FASTKD2: variants seen among roughly 807,000 people sequenced by gnomAD.
The protein encoded by FASTKD2 is FAST kinase domain-containing protein 2, mitochondrial.
Under a neutral mutation model 63.6 loss-of-function variants are expected in FASTKD2, and 51 were observed. That is an observed-to-expected ratio of 0.80 (90% CI 0.64 to 1.01). FASTKD2 has a LOEUF of 1.01. FASTKD2 is among the 50% of genes least tolerant of loss of function. The pLI is 0.00. For synonymous variants in FASTKD2, 284 were observed against 293.4 expected, an observed-to-expected ratio of 0.97 and a Z score of 0.33; for missense variants, 786 against 831.1, an observed-to-expected ratio of 0.95 and a Z score of 0.67.
rs1423846334 is a variant in FASTKD2 at position 206,776,931 on chromosome 2, C to T, written c.1427+2534C>T. The stretch of plus-strand genomic sequence containing the variant: ...GATTAAGTCTTTCAATCCATGAATG[C>T]AGACTGTCCTTCCATTTATTTGTGT... On this transcript the variant is annotated intron_variant, in intron 7 of 11. Coordinates refer to ENST00000402774, the MANE Select transcript of FASTKD2 (RefSeq NM_001136193.2). Among the ~76,000 whole-genome samples, 4 of 152,038 alleles carry T rather than the reference C, an allele frequency of 2.6e-5. No homozygotes were observed. The East Asian group carries it at 5.8e-4, about 22-fold the overall frequency.
At chr2:206,772,743 T>A (rs1209168154) in intron 6 of FASTKD2, among the ~76,000 whole-genome samples, 1 of 152,196 alleles carries the variant, frequency 6.6e-6, no homozygotes, top group Non-Finnish European at 1.5e-5. Flanking sequence ...TTACTTGAGA[T>A]ATTCAACACT....
At chr2:206,777,259 T>G (rs1689847302) in intron 7 of FASTKD2, among the ~76,000 whole-genome samples, 1 of 152,172 alleles carries the variant, frequency 6.6e-6, no homozygotes, top group East Asian at 1.9e-4. Context: ...GTTCCTGGTC[T>G]TAGAAGAAAA....
At chr2:206,774,884 C>T (rs1431943888) in intron 7 of FASTKD2, among the ~76,000 whole-genome samples, 1 of 151,924 alleles carries the variant, frequency 6.6e-6, no homozygotes, top group Non-Finnish European at 1.5e-5. Flanking sequence ...AACTTTATAC[C>T]TGTTGAATAG....
chr2:206,795,248 TC>T lies in FASTKD2; in HGVS notation c.*3448del, dbSNP rs1158955913. On this transcript the variant is annotated 3_prime_UTR_variant, in exon 12 of 12. Transcript: ENST00000402774. ...CAGGAGATGGCTATCTCTTTTTTTT[TC>T]CTGAGACGGAGTCGTGGTCTGTCGC... Among the ~76,000 whole-genome samples the T allele has an allele frequency of 1.3e-5, 2 of 152,144 alleles. No individual in the cohort carries two copies. The highest frequency in any genetic ancestry group is 2.9e-5 in the Non-Finnish European group (2 of 68,010).
At position 206,795,425 on chromosome 2, in the gene FASTKD2, G is replaced by T. The variant is rs1300495377; in HGVS notation, c.*3623G>T. 6.6e-6 allele frequency among the ~76,000 whole-genome samples: 1 copy of T among 152,156 alleles called. No homozygotes were observed. The highest frequency in any genetic ancestry group is 1.5e-5 in the Non-Finnish European group (1 of 68,034). Reference sequence around the variant, plus strand: ...ATTTTTGTATTTTTAGCAGAAACAGGGTTTCACCATGTTAGCCAGGATGGT... The same window carrying T: ...ATTTTTGTATTTTTAGCAGAAACAGTGTTTCACCATGTTAGCCAGGATGGT... On this transcript the variant is annotated 3_prime_UTR_variant, in exon 12 of 12. Transcript: ENST00000402774.
chr2:206,778,538 G>A (rs1230636843), intron 7 of FASTKD2, among the ~76,000 whole-genome samples: 1 of 152,076 alleles, frequency 6.6e-6, no homozygotes, highest in Admixed American at 6.6e-5. Context: ...TCCTAAATCT[G>A]TTATGACTTG....
chr2:206,767,307 G>T lies in FASTKD2; in HGVS notation c.614G>T (p.Arg205Leu), dbSNP rs71429736. The T allele has an allele frequency of 6.2e-7, 1 of 1,614,140 alleles. No individual in the cohort carries two copies. The highest frequency in any genetic ancestry group is 8.5e-7 in the Non-Finnish European group (1 of 1,180,014). Residue 205 changes from arginine to leucine, a missense_variant, in exon 2 of 12, where the codon CGA (arginine) becomes CTA (leucine). Arg to Leu is a moderately radical substitution (Grantham distance 102, BLOSUM62 -2). Transcript: ENST00000402774. ...GATGACCAGAAGCGCTTTGAAAAACGACTGATGTTTAGCCACCCTGCATTT... is the reference window on the plus strand; with the variant it reads ...GATGACCAGAAGCGCTTTGAAAAACTACTGATGTTTAGCCACCCTGCATTT... ...LSDDQKRFEK[R>L]LMFSHPAFNQ... is the part of the protein sequence containing the mutation.
rs768043175 is a variant in FASTKD2 at position 206,771,245 on chromosome 2, G to A, written c.945G>A (p.Lys315=). 178 of 1,612,290 alleles carry A rather than the reference G, an allele frequency of 1.1e-4. No homozygotes were observed. The highest frequency in any genetic ancestry group is 1.3e-4 in the Non-Finnish European group (155 of 1,178,554). The change falls in exon 4 of 12, where the codon AAG becomes AAA. Residue 315 remains lysine, a synonymous_variant. Transcript: ENST00000402774. ...EDVFTLQVVM[K]CIGKDAPIAL... ...TCTTCACATTACAAGTTGTGATGAA[G>A]TGTATTGGAAAAGATGCACCGATTG...
At chr2:206,776,139 T>A (rs1689818984) in intron 7 of FASTKD2, among the ~76,000 whole-genome samples, 1 of 151,206 alleles carries the variant, frequency 6.6e-6, no homozygotes, top group East Asian at 1.9e-4. Flanking sequence ...AATATATATA[T>A]AATATATATA....
chr2:206,791,961 C>A lies in FASTKD2; in HGVS notation c.*159C>A, dbSNP rs549535843. ...TTTAGGAGTGGAAGAAATGTTGTTA[C>A]TGCCATTTAAAAATATGCTGAGAAA... On this transcript the variant is annotated 3_prime_UTR_variant, in exon 12 of 12. Transcript: ENST00000402774. 1.9e-3 allele frequency: 1,277 copies of A among 669,682 alleles called. 29 individuals are homozygous for A. The South Asian group carries it at 0.023, about 12-fold the overall frequency. The allele number at this position is 669,682 out of a possible 1,614,324, so 41.5% of individuals were successfully genotyped here.
chr2:206,786,725 T>C lies in FASTKD2; in HGVS notation c.1428-8T>C, dbSNP rs369220707. The C allele has an allele frequency of 6.2e-7, 1 of 1,613,216 alleles. No individual in the cohort carries two copies. The highest frequency in any genetic ancestry group is 8.5e-7 in the Non-Finnish European group (1 of 1,179,290). ...ATGTTGGGAAACTGACTTTTCTTTGTTCCCCAGACAGTTCGTGGAAGTTAT... is the reference window on the plus strand; with the variant it reads ...ATGTTGGGAAACTGACTTTTCTTTGCTCCCCAGACAGTTCGTGGAAGTTAT... On this transcript the variant is annotated splice_region_variant and splice_polypyrimidine_tract_variant and intron_variant, in intron 7 of 11. Transcript: ENST00000402774.
chr2:206,795,324 C>T lies in FASTKD2; in HGVS notation c.*3522C>T, dbSNP rs1483612668. 6.6e-6 allele frequency among the ~76,000 whole-genome samples: 1 copy of T among 152,208 alleles called. No homozygotes were observed. Among genetic ancestry groups the T allele is most frequent in the African/African-American group, 2.4e-5 (1 of 41,444 alleles). Reference sequence around the variant, plus strand: ...TCTCAGCTCACTGCAAGCTCCGCCTCCTGGGTTCAAGCCATTCTCCTGCCT... The same window carrying T: ...TCTCAGCTCACTGCAAGCTCCGCCTTCTGGGTTCAAGCCATTCTCCTGCCT... On this transcript the variant is annotated 3_prime_UTR_variant, in exon 12 of 12. Coordinates refer to ENST00000402774, the MANE Select transcript of FASTKD2 (RefSeq NM_001136193.2).
At chr2:206,781,209 C>T (rs780992563) in intron 7 of FASTKD2, among the ~76,000 whole-genome samples, 11 of 151,910 alleles carry the variant, frequency 7.2e-5, no homozygotes, top group African/African-American at 1.2e-4. Context: ...GAAACAGTCT[C>T]CTCTCCCTGT....
rs1302755404 is a variant in FASTKD2 at position 206,792,845 on chromosome 2, A to G, written c.*1043A>G. ...TCTGTGTCTTCACTTCCTCATCTCT[A>G]AAATCAGGATAGGTATTTGCCCAAG... On this transcript the variant is annotated 3_prime_UTR_variant, in exon 12 of 12. Coordinates refer to ENST00000402774, the MANE Select transcript of FASTKD2 (RefSeq NM_001136193.2). 6.6e-6 allele frequency among the ~76,000 whole-genome samples: 1 copy of G among 152,166 alleles called. No individual in the cohort carries two copies. Among genetic ancestry groups the G allele is most frequent in the African/African-American group, 2.4e-5 (1 of 41,430 alleles).
chr2:206,768,353 A>G (rs192486863), intron 2 of FASTKD2, among the ~76,000 whole-genome samples: 43 of 152,284 alleles, frequency 2.8e-4, no homozygotes, highest in African/African-American at 1.0e-3. Flanking sequence ...TTAGCTTGTT[A>G]ATCATTTATG....
At position 206,795,528 on chromosome 2, in the gene FASTKD2, C is replaced by T. The variant is rs1001700480; in HGVS notation, c.*3726C>T. On this transcript the variant is annotated 3_prime_UTR_variant, in exon 12 of 12. Coordinates refer to ENST00000402774, the MANE Select transcript of FASTKD2 (RefSeq NM_001136193.2). ...GATTATAGGCGTGAGCCACCACCCC[C>T]GGTCCAAGATGGCTATCTCTTAACA... Among the ~76,000 whole-genome samples, 3 of 152,188 alleles carry T rather than the reference C, an allele frequency of 2.0e-5. No homozygotes were observed. Among genetic ancestry groups the T allele is most frequent in the African/African-American group, 4.8e-5 (2 of 41,448 alleles).
intron 7 of FASTKD2, among the ~76,000 whole-genome samples, chr2:206,782,648 A>G (rs1690022086): frequency 6.6e-6 from 1 of 152,208 alleles, no homozygotes; most frequent in South Asian, 2.1e-4. Context: ...ATAAAATGTC[A>G]TTTGTTAAAA....
At chr2:206,772,111 A>G in intron 5 of FASTKD2, 70 bp from the exon 6 acceptor site, 1 of 1,592,806 alleles carries the variant, frequency 6.3e-7, no homozygotes, top group Non-Finnish European at 8.6e-7. Context: ...TTATATGAAA[A>G]AAGAATAAAG....
In FASTKD2 at chr2:206,793,241, A is replaced by AC. The variant is rs1690343442; in HGVS notation, c.*1439_*1440insC. Among the ~76,000 whole-genome samples, 1 of 144,894 alleles carries AC rather than the reference A, an allele frequency of 6.9e-6. No homozygotes were observed. The highest frequency in any genetic ancestry group is 1.5e-5 in the Non-Finnish European group (1 of 65,256). ...GTCTCAAAAAAAAAAAAAAAAAAAA[A>AC]AAAAAAAAAATACAAAAACTATAGC... On this transcript the variant is annotated 3_prime_UTR_variant, in exon 12 of 12. Transcript: ENST00000402774.
Sources: allele counts gnomAD v4.1 joint callset (sites outside exome capture counted in the v4.1 genomes callset), GRCh38; gene constraint gnomAD v4.1.1; transcripts MANE v1.5; gene names NCBI Gene and HGNC (gene_info 2026-07-23, HGNC 2026-07-21).